LRP1B: variants seen among roughly 807,000 people sequenced by gnomAD.
LRP1B encodes the protein LDL receptor related protein 1B, also known as low-density lipoprotein receptor-related protein 1B.
LRP1B carries 217 observed loss-of-function variants against 556.6 expected under a neutral mutation model. That is an observed-to-expected ratio of 0.39 (90% CI 0.35 to 0.44). The LOEUF (loss-of-function observed/expected upper bound fraction) is 0.44. Ranked by LOEUF, LRP1B falls within the 20% of genes least tolerant of loss-of-function variation. LRP1B has a pLI of 1.00. For missense variants in LRP1B, 5,053 were observed against 5,620.8 expected (o/e 0.90, Z 3.23); for synonymous variants, 2,047 against 1,865.8 (o/e 1.10, Z -2.50).
intron 20 of LRP1B, among the ~76,000 whole-genome samples, 188 bp from the exon 21 acceptor site, chr2:140,923,335 T>A (rs898739478): frequency 6.6e-6 from 1 of 152,086 alleles, no homozygotes; most frequent in Non-Finnish European, 1.5e-5. Flanking sequence ...TTCTAATTCA[T>A]TTAAATAACA....
chr2:140,869,358 C>A (rs1242077439), intron 25 of LRP1B, among the ~76,000 whole-genome samples: 1 of 152,044 alleles, frequency 6.6e-6, no homozygotes, highest in African/African-American at 2.4e-5. Context: ...TGCCAAGCTA[C>A]ATGCGGCAGG....
intron 23 of LRP1B, among the ~76,000 whole-genome samples, chr2:140,900,779 T>C (rs2105218674): frequency 6.6e-6 from 1 of 151,174 alleles, no homozygotes; most frequent in Non-Finnish European, 1.5e-5. Flanking sequence ...TGTGATCACA[T>C]ATATTCAAGA....
intron 1 of LRP1B, among the ~76,000 whole-genome samples, chr2:142,033,643 C>G (rs1703779876): frequency 6.6e-6 from 1 of 151,618 alleles, no homozygotes; most frequent in Admixed American, 6.6e-5. Flanking sequence ...TTTCATTCTC[C>G]TTCTATAAAT....
intron 6 of LRP1B, among the ~76,000 whole-genome samples, chr2:141,216,800 GGTCA>G (rs1179118028): frequency 6.6e-6 from 1 of 152,026 alleles, no homozygotes; most frequent in East Asian, 1.9e-4. Flanking sequence ...CCTTTCTTTT[GGTCA>G]GTTTCTGTTT....
intron 77 of LRP1B, among the ~76,000 whole-genome samples, chr2:140,343,103 GA>G (rs1012238550): frequency 3.3e-5 from 5 of 151,030 alleles, no homozygotes; most frequent in African/African-American, 9.7e-5. Context: ...ACATTTTAAG[GA>G]AAAAAATAAG....
chr2:140,456,762 C>T (rs1434347427), intron 61 of LRP1B, among the ~76,000 whole-genome samples, 159 bp from the exon 62 acceptor site: 1 of 152,162 alleles, frequency 6.6e-6, no homozygotes, highest in Non-Finnish European at 1.5e-5. Context: ...TTTACTTTGT[C>T]ACAAATGCTA....
rs147452730 is a variant in LRP1B at position 140,835,491 on chromosome 2, A to G, written c.5209+4500T>C. Among the ~76,000 whole-genome samples, 4 of 152,066 alleles carry G rather than the reference A, an allele frequency of 2.6e-5. No homozygotes were observed. In the East Asian group the frequency reaches 7.7e-4, roughly 29 times the overall value. ...AGGCTCCAAGTCACTATTCCTTTCTATATAGTATAAAAACTTCAGTCACAT... is the reference window on the plus strand; with the variant it reads ...AGGCTCCAAGTCACTATTCCTTTCTGTATAGTATAAAAACTTCAGTCACAT... On this transcript the variant is annotated intron_variant, in intron 31 of 90. Transcript: ENST00000389484.
chr2:141,344,825 A>G (rs191683257), intron 3 of LRP1B, among the ~76,000 whole-genome samples: 5 of 152,246 alleles, frequency 3.3e-5, no homozygotes, highest in Admixed American at 3.3e-4. Flanking sequence ...TATTTTTCTA[A>G]TTGGGAGCTT....
chr2:140,307,660 T>A (rs1684124021), intron 83 of LRP1B, among the ~76,000 whole-genome samples: 1 of 151,922 alleles, frequency 6.6e-6, no homozygotes, highest in African/African-American at 2.4e-5. Context: ...TTATATGATT[T>A]GGTTACATTG....
At chr2:141,690,443 T>TATAAA (rs1553448680) in intron 2 of LRP1B, among the ~76,000 whole-genome samples, 1 of 80,636 alleles carries the variant, frequency 1.2e-5, no homozygotes, top group South Asian at 4.6e-4. Context: ...ATATATATAA[T>TATAAA]TACAAATATA....
rs1404006084 is a variant in LRP1B at position 141,544,345 on chromosome 2, TC to T, written c.206-63813del. ...TTCTTCTTCTTCTTCTTCTTCTTCT[TC>T]TTCTTCTTCTTCTTCTTCTTCTTCT... On this transcript the variant is annotated intron_variant, in intron 2 of 90. Coordinates refer to ENST00000389484, the MANE Select transcript of LRP1B (RefSeq NM_018557.3). Among the ~76,000 whole-genome samples the T allele has an allele frequency of 9.7e-3, 890 of 91,478 alleles. 6 individuals carry two copies. The highest frequency in any genetic ancestry group is 0.017 in the Middle Eastern group (3 of 180). The allele number at this position is 91,478 out of a possible 152,430, so 60.0% of individuals were successfully genotyped here. A position where few individuals can be genotyped will look rare whatever the true frequency, so the allele number is the denominator to read the frequency against.
intron 71 of LRP1B, among the ~76,000 whole-genome samples, chr2:140,367,500 T>C (rs1284267780): frequency 6.6e-6 from 1 of 151,726 alleles, no homozygotes; most frequent in African/African-American, 2.4e-5. Context: ...GTCATTGGGA[T>C]ACTCCTTTCT....
chr2:141,732,344 A>G (rs1693305291), intron 2 of LRP1B, among the ~76,000 whole-genome samples: 1 of 119,290 alleles, frequency 8.4e-6, no homozygotes, highest in South Asian at 3.0e-4. Flanking sequence ...GCATTTATGA[A>G]AATAGTTTTT....
At chr2:141,919,598 T>G (rs957991172) in intron 1 of LRP1B, among the ~76,000 whole-genome samples, 1 of 152,030 alleles carries the variant, frequency 6.6e-6, no homozygotes, top group Non-Finnish European at 1.5e-5. Context: ...CATAGACAGA[T>G]TAAGTCTACA....
At chr2:140,889,318 CAG>C (rs933536026) in intron 23 of LRP1B, among the ~76,000 whole-genome samples, 5 of 152,140 alleles carry the variant, frequency 3.3e-5, no homozygotes, top group East Asian at 1.9e-4. Flanking sequence ...CTTTTTGAGA[CAG>C]AGTCTCACTC....
chr2:141,135,177 A>G (rs1226594023), intron 7 of LRP1B, among the ~76,000 whole-genome samples: 1 of 151,894 alleles, frequency 6.6e-6, no homozygotes, highest in Non-Finnish European at 1.5e-5. Flanking sequence ...TACTTTTAGT[A>G]AAAAATTCTT....
intron 41 of LRP1B, among the ~76,000 whole-genome samples, chr2:140,608,238 A>G (rs1682940621): frequency 6.6e-6 from 1 of 152,188 alleles, no homozygotes; most frequent in African/African-American, 2.4e-5. Flanking sequence ...ATTAAAATCA[A>G]TAGTTGTATA....
intron 79 of LRP1B, among the ~76,000 whole-genome samples, chr2:140,333,310 A>G (rs1029330277): frequency 1.3e-5 from 2 of 152,078 alleles, no homozygotes; most frequent in Non-Finnish European, 2.9e-5. Context: ...TTTTCTGTAT[A>G]GCATGTATAA....
intron 3 of LRP1B, among the ~76,000 whole-genome samples, chr2:141,475,480 G>A (rs1471690230): frequency 6.6e-6 from 1 of 152,128 alleles, no homozygotes; most frequent in East Asian, 1.9e-4. Flanking sequence ...ACTGACAGGA[G>A]GGAGGGAAAT....
Sources: gnomAD v4.1 joint callset for allele counts (sites outside exome capture counted in the v4.1 genomes callset) on GRCh38, gnomAD v4.1.1 for gene constraint, MANE v1.5 for transcripts, NCBI Gene and HGNC (gene_info 2026-07-23, HGNC 2026-07-21) for gene names.